Variants in FKBP5 observed in about 807,000 individuals in gnomAD.
FKBP5 encodes the protein FKBP prolyl isomerase 5.
Under a neutral mutation model 50.5 loss-of-function variants are expected in FKBP5, and 23 were observed. The observed-to-expected ratio is 0.46, with a 90% CI of 0.33 to 0.65. The LOEUF is 0.65. Ranked by LOEUF, FKBP5 falls within the 30% of genes least tolerant of loss-of-function variation. The pLI is 0.02. For missense variants in FKBP5, 411 were observed against 553.1 expected (o/e 0.74, Z 2.58); for synonymous variants, 176 against 190.6 (o/e 0.92, Z 0.63).
intron 8 of FKBP5, among the ~76,000 whole-genome samples, 168 bp from the exon 9 acceptor site, chr6:35,580,389 C>T (rs183673101): frequency 1.3e-5 from 2 of 152,194 alleles, no homozygotes; most frequent in Admixed American, 1.3e-4. Flanking sequence ...TTGGAGGCCT[C>T]GATGGCCTGT....
At chr6:35,718,765 C>T (rs1428321765) in intron 2 of FKBP5, among the ~76,000 whole-genome samples, 2 of 152,220 alleles carry the variant, frequency 1.3e-5, no homozygotes, top group Admixed American at 6.5e-5. Flanking sequence ...ATGACTCTTC[C>T]TTAGCACTCT....
Position 35,626,410 on chromosome 6 carries a change from T to C in FKBP5, c.251-6136A>G, listed in dbSNP as rs115328181. On this transcript the variant is annotated intron_variant, in intron 3 of 10. Transcript: ENST00000357266. ...CATTTTAATCACTTAACAGTTTCATTTATAGTAAAGACTATAGTGACCACT... is the reference window on the plus strand; with the variant it reads ...CATTTTAATCACTTAACAGTTTCATCTATAGTAAAGACTATAGTGACCACT... Among the ~76,000 whole-genome samples the C allele has an allele frequency of 7.4e-3, 1,131 of 152,304 alleles. 11 individuals carry two copies. Among genetic ancestry groups the C allele is most frequent in the African/African-American group, 0.025 (1,056 of 41,576 alleles).
intron 1 of FKBP5, among the ~76,000 whole-genome samples, chr6:35,722,863 G>C (rs1766637125): frequency 6.6e-6 from 1 of 152,226 alleles, no homozygotes; most frequent in South Asian, 2.1e-4. Context: ...GTAGCCCATA[G>C]GAGGGCAGCG....
At chr6:35,581,919 C>T in intron 8 of FKBP5, 4 of 985,534 alleles carry the variant, frequency 4.1e-6, no homozygotes, top group Non-Finnish European at 4.8e-6. Flanking sequence ...CACAAATACT[C>T]CAACCCTCAC....
intron 2 of FKBP5, 50 bp downstream of exon 2, chr6:35,642,670 C>T (rs776147664): frequency 6.9e-7 from 1 of 1,442,360 alleles, no homozygotes; most frequent in Admixed American, 1.7e-5. Context: ...ATGCTATAAT[C>T]TTTCCAGACA....
chr6:35,581,587 A>AAAAACAAAACAAAACAAAAC, intron 8 of FKBP5: 4 of 976,760 alleles, frequency 4.1e-6, no homozygotes, highest in Non-Finnish European at 4.9e-6. Context: ...GAGACTCCTC[A>AAAAACAAAACAAAACAAAAC]AAAACAAAAC....
At position 35,674,469 on chromosome 6, in the gene FKBP5, C is replaced by A. The variant is rs554661610; in HGVS notation, c.-20+14335G>T. 4.6e-5 allele frequency among the ~76,000 whole-genome samples: 7 copies of A among 152,320 alleles called. No homozygotes were observed. The East Asian group carries it at 1.3e-3, about 29-fold the overall frequency. Reference sequence around the variant, plus strand: ...ATTCATAACTGTGCCCCGACATATTCATCCACTAATTTCCAACAAGCTATC... The same window carrying A: ...ATTCATAACTGTGCCCCGACATATTAATCCACTAATTTCCAACAAGCTATC... On this transcript the variant is annotated intron_variant, in intron 1 of 10. Transcript: ENST00000357266.
At chr6:35,672,469 G>C (rs1254394732) in intron 1 of FKBP5, among the ~76,000 whole-genome samples, 1 of 147,814 alleles carries the variant, frequency 6.8e-6, no homozygotes, top group Non-Finnish European at 1.5e-5. Flanking sequence ...CCAGAAGCTT[G>C]CTTTTTTTTT....
chr6:35,685,979 T>C (rs1440093034), intron 1 of FKBP5, among the ~76,000 whole-genome samples: 2 of 97,696 alleles, frequency 2.0e-5, no homozygotes, highest in African/African-American at 8.9e-5. Context: ...CAAAACGCCA[T>C]CTCAAAAAAA....
chr6:35,716,135 G>A (rs1240573813), intron 2 of FKBP5, among the ~76,000 whole-genome samples: 3 of 152,150 alleles, frequency 2.0e-5, no homozygotes, highest in East Asian at 3.8e-4. Flanking sequence ...AACTCAAGAC[G>A]CCGAGGTAGG....
intron 1 of FKBP5, among the ~76,000 whole-genome samples, chr6:35,659,461 G>A (rs139931642): frequency 0.068 from 5,687 of 83,198 alleles, 2,075 homozygotes; most frequent in African/African-American, 0.2. Flanking sequence ...TGGTCAGGCC[G>A]GTCTCAAAGT....
At chr6:35,594,904 G>A (rs1344852713) in intron 6 of FKBP5, among the ~76,000 whole-genome samples, 2 of 152,194 alleles carry the variant, frequency 1.3e-5, no homozygotes, top group Non-Finnish European at 2.9e-5. Context: ...TTTTATGCCT[G>A]AAAAGATCTG....
intron 1 of FKBP5, among the ~76,000 whole-genome samples, chr6:35,666,345 T>G (rs927854155): frequency 6.2e-5 from 6 of 97,112 alleles, no homozygotes; most frequent in Non-Finnish European, 1.3e-4. Flanking sequence ...CCTGTAGATA[T>G]TCTCACAGAA....
chr6:35,656,314 T>G lies in FKBP5; in HGVS notation c.-19-13471A>C, dbSNP rs144225993. Among the ~76,000 whole-genome samples, 195 of 152,310 alleles carry G rather than the reference T, an allele frequency of 1.3e-3. 1 individual carries two copies. In the East Asian group the frequency reaches 0.03, roughly 23 times the overall value. ...TGTGGAATCTCTGGCCCTCACTCAG[T>G]TTTTCCATCTATACTTTTCGGGGGT... On this transcript the variant is annotated intron_variant, in intron 1 of 10. Transcript: ENST00000357266.
At chr6:35,655,501 G>A (rs1010686982) in intron 1 of FKBP5, among the ~76,000 whole-genome samples, 1 of 152,140 alleles carries the variant, frequency 6.6e-6, no homozygotes, top group Non-Finnish European at 1.5e-5. Context: ...CTAGGAACGA[G>A]CCAACAAGGT....
chr6:35,636,318 T>C (rs548283851), intron 3 of FKBP5, among the ~76,000 whole-genome samples: 36 of 152,318 alleles, frequency 2.4e-4, no homozygotes, highest in African/African-American at 7.2e-4. Context: ...TTGTCAGTTG[T>C]TTTTCCTTGA....
chr6:35,586,462 T>C (rs776954032), intron 8 of FKBP5: 777 of 986,910 alleles, frequency 7.9e-4, no homozygotes, highest in Non-Finnish European at 8.9e-4. Context: ...AGTGACTTCA[T>C]CAAGACAGTC....
At chr6:35,722,659 C>G (rs1043140393) in intron 1 of FKBP5, among the ~76,000 whole-genome samples, 6 of 152,236 alleles carry the variant, frequency 3.9e-5, no homozygotes, top group Non-Finnish European at 8.8e-5. Flanking sequence ...GAACACCGGG[C>G]TGCTTCACGC....
chr6:35,708,232 A>C (rs915608197), intron 2 of FKBP5, among the ~76,000 whole-genome samples: 4 of 152,224 alleles, frequency 2.6e-5, no homozygotes, highest in African/African-American at 7.2e-5. Flanking sequence ...CAACTGGTTA[A>C]ATAAATAATG....
Sources: allele counts gnomAD v4.1 joint callset (sites outside exome capture counted in the v4.1 genomes callset), GRCh38; gene constraint gnomAD v4.1.1; transcripts MANE v1.5; gene names NCBI Gene and HGNC (gene_info 2026-07-23, HGNC 2026-07-21).